The following PLCB4 variants were observed in gnomAD, a reference collection of about 807,000 sequenced individuals.
PLCB4 encodes phospholipase C beta 4.
A neutral mutation model predicts 178.8 loss-of-function variants in PLCB4; 77 were observed. That is an observed-to-expected ratio of 0.43 (90% CI 0.36 to 0.52). PLCB4 has a LOEUF of 0.52. PLCB4 is among the 20% of genes least tolerant of loss of function. The pLI is 0.00. For missense variants in PLCB4, 1,024 were observed against 1,453.4 expected (o/e 0.70, Z 4.80); for synonymous variants, 496 against 490.8 (o/e 1.01, Z -0.14).
chr20:9,436,418 C>A (rs1289623584), intron 29 of PLCB4, among the ~76,000 whole-genome samples: 1 of 152,198 alleles, frequency 6.6e-6, no homozygotes, highest in Non-Finnish European at 1.5e-5. Context: ...GTAGTGTGAT[C>A]ATAGCTGACT....
chr20:9,469,125 C>T (rs894251440), intron 36 of PLCB4, among the ~76,000 whole-genome samples: 2 of 152,088 alleles, frequency 1.3e-5, no homozygotes, highest in African/African-American at 2.4e-5. Context: ...GGATTACAGG[C>T]ATGCACCACC....
intron 2 of PLCB4, among the ~76,000 whole-genome samples, chr20:9,154,836 TTTCC>T (rs1289607819): frequency 7.0e-6 from 1 of 142,684 alleles, no homozygotes; most frequent in Non-Finnish European, 1.5e-5. Context: ...CCCTCCCTTC[TTTCC>T]TTCCTTTTTC....
At chr20:9,246,947 A>G (rs1313737870) in intron 3 of PLCB4, among the ~76,000 whole-genome samples, 1 of 152,186 alleles carries the variant, frequency 6.6e-6, no homozygotes, top group Non-Finnish European at 1.5e-5. Flanking sequence ...ACAATAGTTC[A>G]AAGTATTATG....
At chr20:9,393,404 C>CT (rs936110001) in intron 17 of PLCB4, among the ~76,000 whole-genome samples, 184 bp from the exon 18 acceptor site, 2 of 152,164 alleles carry the variant, frequency 1.3e-5, no homozygotes, top group African/African-American at 4.8e-5. Context: ...CAGCACTAGT[C>CT]TAAGGAAAAG....
chr20:9,373,188 T>A (rs2036394992), intron 12 of PLCB4, 84 bp downstream of exon 12: 1 of 670,270 alleles, frequency 1.5e-6, no homozygotes, highest in African/African-American at 1.8e-5. Context: ...GCCTGCATCA[T>A]ATGCCCTTAT....
At chr20:9,374,494 A>C (rs962184859) in intron 12 of PLCB4, among the ~76,000 whole-genome samples, 1 of 151,960 alleles carries the variant, frequency 6.6e-6, no homozygotes, top group Non-Finnish European at 1.5e-5. Flanking sequence ...TGGCTTCTTC[A>C]TGCACTTTGG....
intron 3 of PLCB4, among the ~76,000 whole-genome samples, chr20:9,303,362 G>T (rs893924586): frequency 2.0e-5 from 3 of 152,096 alleles, no homozygotes; most frequent in African/African-American, 7.2e-5. Context: ...TCAGCCTTTG[G>T]TAACCACTGT....
At chr20:9,298,442 C>G (rs35802379) in intron 3 of PLCB4, among the ~76,000 whole-genome samples, 2,875 of 152,050 alleles carry the variant, frequency 0.019, 37 homozygotes, top group Non-Finnish European at 0.03. Flanking sequence ...ACTTTTTCTT[C>G]CCTAGAATAT....
At chr20:9,249,535 C>T (rs1213620814) in intron 3 of PLCB4, among the ~76,000 whole-genome samples, 2 of 152,016 alleles carry the variant, frequency 1.3e-5, no homozygotes, top group Non-Finnish European at 1.5e-5. Context: ...AGGCTGGTCT[C>T]GAGCTCCTGG....
chr20:9,332,401 G>A (rs922728288), intron 4 of PLCB4, among the ~76,000 whole-genome samples: 7 of 151,898 alleles, frequency 4.6e-5, no homozygotes, highest in African/African-American at 1.7e-4. Flanking sequence ...TTGTTAGTAG[G>A]AGGTGGTGAG....
chr20:9,463,973 TA>T (rs1463172900), intron 35 of PLCB4, among the ~76,000 whole-genome samples: 2 of 152,148 alleles, frequency 1.3e-5, no homozygotes, highest in Non-Finnish European at 2.9e-5. Flanking sequence ...CAACAGAATA[TA>T]CATTCTTCTC....
chr20:9,310,271 G>T (rs181122840), intron 4 of PLCB4, among the ~76,000 whole-genome samples: 2 of 152,292 alleles, frequency 1.3e-5, no homozygotes, highest in African/African-American at 4.8e-5. Flanking sequence ...TAAGATTAGA[G>T]AAACAAAACC....
intron 3 of PLCB4, among the ~76,000 whole-genome samples, chr20:9,240,480 C>T (rs1212254957): frequency 1.3e-5 from 2 of 152,130 alleles, no homozygotes; most frequent in South Asian, 2.1e-4. Flanking sequence ...CTGTAACCAT[C>T]GTATATTGTA....
chr20:9,382,563 C>T (rs1174643135), intron 13 of PLCB4, among the ~76,000 whole-genome samples: 1 of 152,150 alleles, frequency 6.6e-6, no homozygotes, highest in Non-Finnish European at 1.5e-5. Context: ...GATGTTGGCA[C>T]GCATACATCT....
intron 3 of PLCB4, among the ~76,000 whole-genome samples, chr20:9,274,841 A>G (rs1218986297): frequency 6.6e-6 from 1 of 151,994 alleles, no homozygotes; most frequent in Non-Finnish European, 1.5e-5. Context: ...TAAAATTCCT[A>G]CCTTGTTTAA....
At chr20:9,468,294 A>G (rs2043938995) in intron 35 of PLCB4, among the ~76,000 whole-genome samples, 1 of 152,090 alleles carries the variant, frequency 6.6e-6, no homozygotes, top group African/African-American at 2.4e-5. Context: ...TAGAAAGAAA[A>G]AAAAAGAAGA....
chr20:9,148,777 G>T (rs1173639214), intron 2 of PLCB4, among the ~76,000 whole-genome samples: 2 of 152,146 alleles, frequency 1.3e-5, no homozygotes, highest in African/African-American at 2.4e-5. Flanking sequence ...CAAAGTAGCT[G>T]TTTTCGTGAT....
chr20:9,198,739 T>C (rs1247045962), intron 2 of PLCB4, among the ~76,000 whole-genome samples: 1 of 152,194 alleles, frequency 6.6e-6, no homozygotes, highest in Non-Finnish European at 1.5e-5. Flanking sequence ...TGTCCTTAGA[T>C]TATCTCAGTT....
At chr20:9,401,404 C>T in intron 19 of PLCB4, 86 bp from the exon 20 acceptor site, 1 of 853,360 alleles carries the variant, frequency 1.2e-6, no homozygotes, top group Non-Finnish European at 2.0e-6. Context: ...TCTAAAAGTG[C>T]TTATGTTCTA....
Sources: gnomAD v4.1 joint callset for allele counts (sites outside exome capture counted in the v4.1 genomes callset) on GRCh38, gnomAD v4.1.1 for gene constraint, MANE v1.5 for transcripts, NCBI Gene and HGNC (gene_info 2026-07-23, HGNC 2026-07-21) for gene names.